TCAF1: variants seen among roughly 807,000 people sequenced by gnomAD.
The protein encoded by TCAF1 is TRPM8 channel associated factor 1.
In TCAF1, 4 loss-of-function variants were observed where a neutral mutation model predicts 27.3. The observed-to-expected ratio is 0.15, with a 90% confidence interval of 0.07 to 0.34. The LOEUF (loss-of-function observed/expected upper bound fraction) is 0.34. TCAF1 is among the 10% of genes least tolerant of loss of function. TCAF1 has a pLI of 1.00. For missense variants in TCAF1, 257 were observed against 425.8 expected (o/e 0.60, Z 3.49); for synonymous variants, 105 against 167.1 (o/e 0.63, Z 2.87).
intron 1 of TCAF1, among the ~76,000 whole-genome samples, chr7:143,891,595 T>C (rs1813639125): frequency 6.6e-6 from 1 of 151,934 alleles, no homozygotes; most frequent in African/African-American, 2.4e-5. Context: ...AAAGAAAACA[T>C]GATACACAAA....
intron 1 of TCAF1, chr7:143,885,402 C>T (rs1394378062): frequency 2.0e-6 from 2 of 985,376 alleles, no homozygotes; most frequent in Non-Finnish European, 2.4e-6. Flanking sequence ...AGCTGATTGG[C>T]TGCCGCGGGT....
intron 1 of TCAF1, among the ~76,000 whole-genome samples, chr7:143,879,172 C>T (rs1208452793): frequency 6.6e-6 from 1 of 152,186 alleles, no homozygotes; most frequent in Admixed American, 6.5e-5. Context: ...TCTCCCAAAT[C>T]TTTCTATCTA....
intron 1 of TCAF1, among the ~76,000 whole-genome samples, chr7:143,892,327 T>C (rs1813673735): frequency 6.6e-6 from 1 of 152,066 alleles, no homozygotes; most frequent in Admixed American, 6.5e-5. Flanking sequence ...GAAGTAATAA[T>C]TTAAGGTAGG....
intron 1 of TCAF1, among the ~76,000 whole-genome samples, chr7:143,884,370 G>A (rs1027312999): frequency 6.6e-6 from 1 of 152,100 alleles, no homozygotes; most frequent in African/African-American, 2.4e-5. Flanking sequence ...AAAGGAAATG[G>A]CAGGGAGAGA....
chr7:143,885,626 A>C, intron 1 of TCAF1: 1 of 908,360 alleles, frequency 1.1e-6, no homozygotes, highest in African/African-American at 1.8e-5. Context: ...ATAATATACA[A>C]CTATTTCCAA....
intron 1 of TCAF1, among the ~76,000 whole-genome samples, chr7:143,888,105 T>G (rs1461633853): frequency 6.6e-6 from 1 of 152,220 alleles, no homozygotes; most frequent in Non-Finnish European, 1.5e-5. Context: ...TATCTAACTT[T>G]AATAAGGTGT....
At chr7:143,876,746 GA>G in intron 1 of TCAF1, 124 bp from the exon 2 acceptor site, 1 of 684,884 alleles carries the variant, frequency 1.5e-6, no homozygotes, top group Non-Finnish European at 2.1e-6. Context: ...CTGACACTGG[GA>G]AATGATTTAA....
rs1474873357 is a variant in TCAF1 at position 143,876,060 on chromosome 7, A to G, written c.549T>C (p.Phe183=). The part of the protein sequence containing the change: ...NLVTSVAGIY[F]TDNKGDTSFF... ...AACTCGTGTCCCCTTTGTTGTCAGT[A>G]AAGTAAATGCCAGCCACACTGGTCA... Residue 183 remains phenylalanine (F), a synonymous_variant, in exon 2 of 9, where the codon TTT becomes TTC. Transcript: ENST00000479870. The G allele has an allele frequency of 9.3e-6, 15 of 1,608,840 alleles. No individual in the cohort carries two copies. Among genetic ancestry groups the G allele is most frequent in the Non-Finnish European group, 1.3e-5 (15 of 1,177,070 alleles).
At chr7:143,886,885 T>TC (rs1491374106) in intron 1 of TCAF1, among the ~76,000 whole-genome samples, 1 of 133,938 alleles carries the variant, frequency 7.5e-6, no homozygotes, top group Non-Finnish European at 1.6e-5. Flanking sequence ...TTTTTTTTTT[T>TC]CTGTAGAGAT....
chr7:143,859,901 A>G (rs188294482), intron 6 of TCAF1, among the ~76,000 whole-genome samples: 2,248 of 47,182 alleles, frequency 0.048, 229 homozygotes, highest in Middle Eastern at 0.061. Flanking sequence ...TATATATTAT[A>G]TAATATATAT....
At chr7:143,883,564 G>C (rs1486941443) in intron 1 of TCAF1, among the ~76,000 whole-genome samples, 1 of 124,844 alleles carries the variant, frequency 8.0e-6, no homozygotes, top group Non-Finnish European at 1.6e-5. Context: ...GCAGTGCAAT[G>C]GCGCGATCTC....
chr7:143,860,229 C>CA lies in TCAF1; in HGVS notation c.2145dup (p.Ala716CysfsTer43). On this transcript the variant is annotated frameshift_variant, in exon 6 of 9. Coordinates refer to ENST00000479870, the MANE Select transcript of TCAF1 (RefSeq NM_014719.3). LOFTEE classifies it high-confidence loss of function. ...CCACCCACTGAGATCTGCACGTCGG[C>CA]AACAATCCTCTGAGGCAGGCGCAAA... 6.5e-6 allele frequency: 2 copies of CA among 306,584 alleles called. No individual in the cohort carries two copies. The highest frequency in any genetic ancestry group is 1.2e-5 in the Non-Finnish European group (2 of 173,790). The allele number at this position is 306,584 out of a possible 1,614,324, so 19.0% of individuals were successfully genotyped here.
chr7:143,864,893 C>CT (rs1360574611), intron 2 of TCAF1, among the ~76,000 whole-genome samples: 7 of 123,686 alleles, frequency 5.7e-5, no homozygotes, highest in Admixed American at 5.0e-4. Flanking sequence ...CCAAACAACT[C>CT]TGTGATTGTA....
Position 143,876,479 on chromosome 7 carries a change from T to C in TCAF1, c.130A>G (p.Met44Val), listed in dbSNP as rs752434913. The C allele has an allele frequency of 1.3e-6, 2 of 1,598,090 alleles. No individual in the cohort carries two copies. Among genetic ancestry groups the C allele is most frequent in the Admixed American group, 1.8e-5 (1 of 57,114 alleles). The stretch of plus-strand genomic sequence containing the variant: ...GAGGCAGCAATGAGGACCTGGCCCA[T>C]GTCATTCACCATCACAGGAAATGAA... Reference protein sequence around the residue: ...EASFPVMVNDMGQVLIAASSY... With the variant: ...EASFPVMVNDVGQVLIAASSY... Residue 44 changes from methionine to valine, a missense_variant, in exon 2 of 9, where the codon ATG (methionine) becomes GTG (valine). Around this residue, in one of 2 missense-constraint regions of TCAF1, gnomAD observed 255 missense variants for 260.1 expected, o/e 0.98. Transcript: ENST00000479870.
chr7:143,880,128 T>G (rs967396560), intron 1 of TCAF1, among the ~76,000 whole-genome samples: 14 of 152,242 alleles, frequency 9.2e-5, no homozygotes, highest in African/African-American at 2.7e-4. Context: ...GTAATTATTA[T>G]TAGTAGTAGT....
Position 143,876,113 on chromosome 7 carries a change from C to G in TCAF1, c.496G>C (p.Val166Leu). The change falls in exon 2 of 9, where the codon GTT becomes CTT. Residue 166 changes from valine (V) to leucine (L), a missense_variant. This residue lies in a region of TCAF1 where 255 missense variants were observed against 260.1 expected (regional missense o/e 0.98). Transcript: ENST00000479870. ...AGGTTCCCAGGGAACGTGAACAGAA[C>G]CCTTTCATCCTCCCCCTGGTTGGCC... ...DWANQGEDER[V>L]LFTFPGNLVT... 6.2e-7 allele frequency: 1 copy of G among 1,614,204 alleles called. No individual in the cohort carries two copies. Among genetic ancestry groups the G allele is most frequent in the Non-Finnish European group, 8.5e-7 (1 of 1,180,028 alleles).
At chr7:143,900,317 G>A (rs1041808855) in intron 1 of TCAF1, among the ~76,000 whole-genome samples, 1 of 151,938 alleles carries the variant, frequency 6.6e-6, no homozygotes, top group Non-Finnish European at 1.5e-5. Context: ...ATGGGATGTC[G>A]CTTCTGAGGT....
intron 1 of TCAF1, among the ~76,000 whole-genome samples, chr7:143,893,073 G>A (rs1454463188): frequency 1.3e-5 from 2 of 152,072 alleles, no homozygotes; most frequent in East Asian, 3.8e-4. Context: ...AAAGTGAAAG[G>A]ATGGAAAAAG....
At chr7:143,878,168 T>G (rs2116787739) in intron 1 of TCAF1, among the ~76,000 whole-genome samples, 1 of 152,360 alleles carries the variant, frequency 6.6e-6, no homozygotes, top group South Asian at 2.1e-4. Context: ...TCATAAGTAT[T>G]ATTTATATGC....
Sources: allele counts gnomAD v4.1 joint callset (sites outside exome capture counted in the v4.1 genomes callset), GRCh38; gene constraint gnomAD v4.1.1; regional missense constraint gnomAD v4.1.1; transcripts MANE v1.5; gene names NCBI Gene and HGNC (gene_info 2026-07-23, HGNC 2026-07-21).